SLC30A9: variants seen among roughly 807,000 people sequenced by gnomAD.
SLC30A9 encodes solute carrier family 30 member 9.
In SLC30A9, 58 loss-of-function variants were observed where a neutral mutation model predicts 87.5. The observed-to-expected ratio is 0.66, with a 90% CI of 0.54 to 0.82. The LOEUF is 0.82. Ranked by LOEUF, SLC30A9 falls within the 40% of genes least tolerant of loss-of-function variation. The probability of loss-of-function intolerance (pLI) is 0.00; values close to 1 mark genes in which losing one functional copy is unlikely to be tolerated. For missense variants in SLC30A9, 557 were observed against 679.1 expected (o/e 0.82, Z 2.00); for synonymous variants, 234 against 233.0 (o/e 1.00, Z -0.04).
rs955596092 is a variant in SLC30A9 at position 42,001,731 on chromosome 4, A to T, written c.225A>T (p.Gly75=). 1.9e-6 allele frequency: 3 copies of T among 1,611,716 alleles called. No individual in the cohort carries two copies. Among genetic ancestry groups the T allele is most frequent in the Non-Finnish European group, 2.5e-6 (3 of 1,178,610 alleles). Residue 75 remains glycine (G), a synonymous_variant, in exon 2 of 18, where the codon GGA becomes GGT. Coordinates refer to ENST00000264451, the MANE Select transcript of SLC30A9 (RefSeq NM_006345.4). The part of the protein sequence containing the change: ...KLYSTNVQKE[G]QGSQTLRVEK... ...ACTCCACAAATGTTCAGAAAGAAGG[A>T]CAGGGATCACAAACACTCAGAGTGG...
Position 41,990,612 on chromosome 4 carries a change from C to G in SLC30A9, c.-40C>G. 1 of 1,293,540 alleles carries G rather than the reference C, an allele frequency of 7.7e-7. No homozygotes were observed. The highest frequency in any genetic ancestry group is 1.1e-6 in the Non-Finnish European group (1 of 908,278). The allele number at this position is 1,293,540 out of a possible 1,614,324, so 80.1% of individuals were successfully genotyped here. A position where few individuals can be genotyped will look rare whatever the true frequency, so the allele number is the denominator to read the frequency against. On this transcript the variant is annotated 5_prime_UTR_variant, in exon 1 of 18. Coordinates refer to ENST00000264451, the MANE Select transcript of SLC30A9 (RefSeq NM_006345.4). Reference sequence around the variant, plus strand: ...GTTGGTACCGGTGGCGGCGCGGAGGCAGAAGGCGGTGTCCGAGTAGGGGCC... The same window carrying G: ...GTTGGTACCGGTGGCGGCGCGGAGGGAGAAGGCGGTGTCCGAGTAGGGGCC...
At chr4:42,017,170 T>G (rs998855220) in intron 2 of SLC30A9, among the ~76,000 whole-genome samples, 4 of 152,190 alleles carry the variant, frequency 2.6e-5, no homozygotes, top group Non-Finnish European at 5.9e-5. Context: ...TTCATTTGGA[T>G]TCTATTAATA....
chr4:42,014,677 G>A (rs1205816731), intron 2 of SLC30A9, among the ~76,000 whole-genome samples: 1 of 152,130 alleles, frequency 6.6e-6, no homozygotes, highest in African/African-American at 2.4e-5. Context: ...CAAATGAATG[G>A]ATAAAGAAGA....
At chr4:42,068,564 T>C (rs1313055997) in intron 14 of SLC30A9, among the ~76,000 whole-genome samples, 1 of 152,208 alleles carries the variant, frequency 6.6e-6, no homozygotes, top group Admixed American at 6.5e-5. Flanking sequence ...CTCTTGTTTG[T>C]ATCAGTTAGC....
chr4:42,056,167 A>G (rs1299118082), intron 9 of SLC30A9, among the ~76,000 whole-genome samples: 2 of 1,540 alleles, frequency 1.3e-3, no homozygotes, highest in Admixed American at 0.056. Context: ...ACTGAATATT[A>G]AGGATTTTTA....
At chr4:42,040,412 A>G (rs1169297213) in intron 8 of SLC30A9, among the ~76,000 whole-genome samples, 2 of 152,172 alleles carry the variant, frequency 1.3e-5, no homozygotes, top group East Asian at 3.8e-4. Flanking sequence ...TCTGAGTTAG[A>G]GGTTTGATAG....
chr4:42,066,686 G>C, intron 13 of SLC30A9, 65 bp downstream of exon 13: 2 of 1,040,022 alleles, frequency 1.9e-6, no homozygotes, highest in Non-Finnish European at 3.0e-6. Context: ...ACTTAGTACT[G>C]TTATTGCTTT....
rs551983978 is a variant in SLC30A9, at chr4:41,993,780, A to G, written c.109+3020A>G. Among the ~76,000 whole-genome samples, 4 of 152,344 alleles carry G rather than the reference A, an allele frequency of 2.6e-5. No homozygotes were observed. The East Asian group carries it at 7.7e-4, about 29-fold the overall frequency. ...TATTATAGTAATAAATTGGTAGTTC[A>G]TAGTTATGGAGAGTGGGAAACTGAA... On this transcript the variant is annotated intron_variant, in intron 1 of 17. Transcript: ENST00000264451.
intron 6 of SLC30A9, among the ~76,000 whole-genome samples, chr4:42,027,112 C>T (rs1477217435): frequency 2.0e-5 from 3 of 151,976 alleles, no homozygotes; most frequent in Non-Finnish European, 2.9e-5. Context: ...AACTATGGCC[C>T]GTGGAACAAA....
At chr4:42,028,479 C>T (rs1388929357) in intron 6 of SLC30A9, among the ~76,000 whole-genome samples, 3 of 152,182 alleles carry the variant, frequency 2.0e-5, no homozygotes, top group African/African-American at 4.8e-5. Context: ...GATGTGGAAT[C>T]TGCTAAGATG....
At chr4:42,072,812 CTTTT>C (rs71200203) in intron 15 of SLC30A9, among the ~76,000 whole-genome samples, 2 of 118,186 alleles carry the variant, frequency 1.7e-5, no homozygotes, top group Admixed American at 8.9e-5. Context: ...TTGTTCTATC[CTTTT>C]TTTTTTTTTT....
intron 6 of SLC30A9, among the ~76,000 whole-genome samples, chr4:42,024,193 A>G (rs1252383022): frequency 2.6e-5 from 4 of 152,230 alleles, no homozygotes. Context: ...TATGCAAGTA[A>G]GACTCTTAGG....
At chr4:42,023,983 TCCC>T (rs1188938134) in intron 6 of SLC30A9, among the ~76,000 whole-genome samples, 1 of 152,146 alleles carries the variant, frequency 6.6e-6, no homozygotes, top group African/African-American at 2.4e-5. Context: ...TCCAGTCACC[TCCC>T]ACCATGGCCT....
Position 42,078,230 on chromosome 4 carries a change from ACTC to A in SLC30A9, c.1570_1572del (p.Pro524del). The A allele has an allele frequency of 6.5e-7, 1 of 1,527,128 alleles. No homozygotes were observed. 94.6% of individuals were successfully genotyped at this position (1,527,128 alleles called of 1,614,324 possible). ...TTTATAGGAAATTCAAGAAGTGAAA[ACTC>A]CTGAAGAACTAGAGACCTTTATGCT... On this transcript the variant is annotated inframe_deletion, in exon 17 of 18. Coordinates refer to ENST00000264451, the MANE Select transcript of SLC30A9 (RefSeq NM_006345.4).
rs56190460 is a variant in SLC30A9 at position 42,053,695 on chromosome 4, CAAAAAAAAAA to C, written c.840+4236_840+4245del. On this transcript the variant is annotated intron_variant, in intron 9 of 17. Coordinates refer to ENST00000264451, the MANE Select transcript of SLC30A9 (RefSeq NM_006345.4). ...TGGATGACAAGAGTGACTCGGTCTC[CAAAAAAAAAA>C]AAAAAAAAAAAAAAAAAAAGGAATG... Among the ~76,000 whole-genome samples, 140 of 55,918 alleles carry C rather than the reference CAAAAAAAAAA, an allele frequency of 2.5e-3. 1 individual carries two copies. The highest frequency in any genetic ancestry group is 7.1e-3 in the African/African-American group (75 of 10,536). The allele number at this position is 55,918 out of a possible 152,430, so 36.7% of individuals were successfully genotyped here.
chr4:42,083,927 G>A (rs1718827951), intron 17 of SLC30A9, among the ~76,000 whole-genome samples: 1 of 152,176 alleles, frequency 6.6e-6, no homozygotes, highest in Non-Finnish European at 1.5e-5. Flanking sequence ...AGGCACACCT[G>A]AGCGACACTA....
chr4:42,022,929 A>G lies in SLC30A9; in HGVS notation c.526A>G (p.Lys176Glu). Residue 176 changes from lysine (K) to glutamate (E), a missense_variant and splice_region_variant, in exon 5 of 18, where the codon AAA (lysine) becomes GAA (glutamate). By Grantham distance (56) the Lys-to-Glu change is moderately conservative. Around this residue, in one of 2 missense-constraint regions of SLC30A9, gnomAD observed 467 missense variants for 529.8 expected, o/e 0.88. Transcript: ENST00000264451. ...ATACTTGAGATCAGATGTGGAAGCA[A>G]AGTAAGAACATAGTTCTTTCAGAAT... ...TVYLRSDVEA[K>E]SLEVWGSPEA... is the part of the protein sequence containing the mutation. 2 of 1,524,072 alleles carry G rather than the reference A, an allele frequency of 1.3e-6. No homozygotes were observed. Among genetic ancestry groups the G allele is most frequent in the South Asian group, 1.2e-5 (1 of 80,854 alleles). 94.4% of individuals were successfully genotyped at this position (1,524,072 alleles called of 1,614,324 possible). A position where few individuals can be genotyped will look rare whatever the true frequency, so the allele number is the denominator to read the frequency against.
chr4:42,061,266 GC>G (rs1430254954), intron 10 of SLC30A9, among the ~76,000 whole-genome samples: 1 of 152,136 alleles, frequency 6.6e-6, no homozygotes, highest in Non-Finnish European at 1.5e-5. Flanking sequence ...TTGAAATGTG[GC>G]CAGTGCAACT....
chr4:41,990,899 A>G, intron 1 of SLC30A9, 139 bp downstream of exon 1: 1 of 661,174 alleles, frequency 1.5e-6, no homozygotes, highest in Non-Finnish European at 2.6e-6. Context: ...CCGCCTTTCC[A>G]GTTCAGCCTG....
Sources: gnomAD v4.1 joint callset for allele counts (sites outside exome capture counted in the v4.1 genomes callset) on GRCh38, gnomAD v4.1.1 for gene constraint, gnomAD v4.1.1 regional missense constraint, MANE v1.5 for transcripts, NCBI Gene and HGNC (gene_info 2026-07-23, HGNC 2026-07-21) for gene names.